Variants in SKIC2 observed in about 807,000 individuals in gnomAD.
SKIC2 encodes SKI2 subunit of superkiller complex, also known as superkiller complex protein 2.
At chr6:31,966,040 G>A in the SKIC2 span, 3 of 1,438,318 alleles carry the variant, frequency 2.1e-6, no homozygotes, top group Non-Finnish European at 2.9e-6. This position sits in a 1 kb window ranked among gnomAD's most constrained non-coding sequence, Gnocchi z 5.9. Flanking sequence ...GCTCGGCAGG[G>A]CCCCAGCTCC....
the SKIC2 span, chr6:31,967,660 C>T: frequency 6.3e-7 from 1 of 1,593,330 alleles, no homozygotes; most frequent in Non-Finnish European, 8.6e-7. The surrounding 1 kb of genome is among the most constrained non-coding windows in gnomAD (Gnocchi z 4.9). Context: ...CTGGTCTCTG[C>T]CTTTGATGTC....
chr6:31,963,916 C>T, the SKIC2 span: 130 of 1,609,620 alleles, frequency 8.1e-5, no homozygotes, highest in Admixed American at 1.1e-3. The surrounding 1 kb of genome is among the most constrained non-coding windows in gnomAD (Gnocchi z 5.3). Context: ...TCTCCAGGAC[C>T]GCGGAGTGTA....
At chr6:31,966,746 C>G in the SKIC2 span, 1 of 1,614,140 alleles carries the variant, frequency 6.2e-7, no homozygotes, top group Non-Finnish European at 8.5e-7. This position sits in a 1 kb window ranked among gnomAD's most constrained non-coding sequence, Gnocchi z 5.9. Flanking sequence ...TTCCGCCTCA[C>G]GTACACTATG....
At chr6:31,964,734 T>C in the SKIC2 span, among the ~76,000 whole-genome samples, 1 of 152,182 alleles carries the variant, frequency 6.6e-6, no homozygotes, top group Non-Finnish European at 1.5e-5. The surrounding 1 kb of genome is among the most constrained non-coding windows in gnomAD (Gnocchi z 5.0). Context: ...TCATGCCGAG[T>C]GTTGCCAGAG....
At chr6:31,962,150 C>T in the SKIC2 span, 4 of 1,311,020 alleles carry the variant, frequency 3.1e-6, no homozygotes, top group Non-Finnish European at 4.4e-6. The surrounding 1 kb of genome is among the most constrained non-coding windows in gnomAD (Gnocchi z 5.0). Context: ...CTCTCTAGCT[C>T]ATCCTTTAAG....
chr6:31,966,628 G>A, the SKIC2 span: 1 of 1,475,126 alleles, frequency 6.8e-7, no homozygotes, highest in Admixed American at 1.7e-5. This position sits in a 1 kb window ranked among gnomAD's most constrained non-coding sequence, Gnocchi z 5.9. Flanking sequence ...GGATCTGACG[G>A]GAGTAGGCCC....
chr6:31,961,831 G>A, the SKIC2 span: 199 of 1,578,986 alleles, frequency 1.3e-4, 2 homozygotes, highest in East Asian at 3.5e-3. Context: ...TCATCCGCCC[G>A]CCCTGCGTGC....
the SKIC2 span, chr6:31,964,470 A>G: frequency 1.1e-5 from 8 of 696,392 alleles, no homozygotes; most frequent in Admixed American, 1.7e-4. The surrounding 1 kb of genome is among the most constrained non-coding windows in gnomAD (Gnocchi z 5.0). Flanking sequence ...CTGGATTCAG[A>G]CTACCTGGGT....
chr6:31,961,648 T>C, the SKIC2 span: 1 of 1,612,740 alleles, frequency 6.2e-7, no homozygotes, highest in African/African-American at 1.3e-5. Flanking sequence ...GTGATTTCTA[T>C]CGCCTCATTC....
the SKIC2 span, chr6:31,963,949 CG>C: frequency 1.2e-6 from 2 of 1,611,920 alleles, no homozygotes; most frequent in Admixed American, 1.7e-5. This position sits in a 1 kb window ranked among gnomAD's most constrained non-coding sequence, Gnocchi z 5.3. Flanking sequence ...GGCCTCCCTC[CG>C]CACACGTGCC....
At chr6:31,967,215 ACTT>A in the SKIC2 span, 1 of 1,609,004 alleles carries the variant, frequency 6.2e-7, no homozygotes, top group Admixed American at 1.7e-5. The surrounding 1 kb of genome is among the most constrained non-coding windows in gnomAD (Gnocchi z 4.9). Context: ...GTGCTACTAA[ACTT>A]AGTCCAAGTG....
chr6:31,964,310 G>A, the SKIC2 span: 29 of 1,613,006 alleles, frequency 1.8e-5, no homozygotes, highest in South Asian at 9.9e-5. This position sits in a 1 kb window ranked among gnomAD's most constrained non-coding sequence, Gnocchi z 5.0. Context: ...CAAGGAGATC[G>A]TGGAGATGCT....
chr6:31,960,109 C>T, the SKIC2 span: 1 of 1,612,690 alleles, frequency 6.2e-7, no homozygotes, highest in Non-Finnish European at 8.5e-7. Context: ...TGGTGTGGAG[C>T]ACTCAGCCCG....
chr6:31,964,073 TC>T, the SKIC2 span: 1 of 1,612,618 alleles, frequency 6.2e-7, no homozygotes, highest in Non-Finnish European at 8.5e-7. This position sits in a 1 kb window ranked among gnomAD's most constrained non-coding sequence, Gnocchi z 5.0. Context: ...ATCCACCTCT[TC>T]CTGCAGCGCT....
At chr6:31,967,387 A>G in the SKIC2 span, 1 of 1,602,436 alleles carries the variant, frequency 6.2e-7, no homozygotes. The surrounding 1 kb of genome is among the most constrained non-coding windows in gnomAD (Gnocchi z 4.9). Flanking sequence ...GGTGAGGGTG[A>G]TGGGAATTTG....
chr6:31,968,389 G>T, the SKIC2 span: 1 of 1,612,962 alleles, frequency 6.2e-7, no homozygotes, highest in Non-Finnish European at 8.5e-7. This position sits in a 1 kb window ranked among gnomAD's most constrained non-coding sequence, Gnocchi z 6.1. Flanking sequence ...TCTGGCTCAG[G>T]CCCACCCAGC....
the SKIC2 span, chr6:31,960,010 C>A: frequency 3.0e-5 from 49 of 1,611,642 alleles, no homozygotes; most frequent in Middle Eastern, 1.6e-4. Flanking sequence ...CTTGTTTCAG[C>A]TTCCCCATGG....
the SKIC2 span, chr6:31,961,532 C>T: frequency 1.3e-6 from 2 of 1,587,538 alleles, no homozygotes; most frequent in Non-Finnish European, 1.7e-6. Flanking sequence ...TCACTGCTAC[C>T]CCTGACTCTT....
the SKIC2 span, chr6:31,967,639 A>AGGGT: frequency 1.3e-6 from 2 of 1,527,970 alleles, no homozygotes; most frequent in Non-Finnish European, 1.8e-6. The surrounding 1 kb of genome is among the most constrained non-coding windows in gnomAD (Gnocchi z 4.9). Flanking sequence ...TTCCTGCCCA[A>AGGGT]GGGTGGGTAT....
Sources: gnomAD v4.1 joint callset for allele counts (sites outside exome capture counted in the v4.1 genomes callset) on GRCh38, gnomAD v4.1.1 for gene constraint, Gnocchi (gnomAD v3.1) non-coding constraint, MANE v1.5 for transcripts, NCBI Gene and HGNC (gene_info 2026-07-23, HGNC 2026-07-21) for gene names.